The following PANK2 variants were observed in gnomAD, a reference collection of about 807,000 sequenced individuals.
The protein encoded by PANK2 is pantothenate kinase 2, mitochondrial.
PANK2 carries 36 observed loss-of-function variants against 43.1 expected under a neutral mutation model. That is an observed-to-expected ratio of 0.84 (90% CI 0.64 to 1.10). PANK2 has a LOEUF of 1.10. Ranked by LOEUF, PANK2 falls within the 50% of genes least tolerant of loss-of-function variation. The probability of loss-of-function intolerance (pLI) is 0.00; values close to 1 mark genes in which losing one functional copy is unlikely to be tolerated. For missense variants in PANK2, 576 were observed against 593.3 expected (o/e 0.97, Z 0.30); for synonymous variants, 281 against 238.2 (o/e 1.18, Z -1.66).
Position 3,903,138 on chromosome 20 carries a change from CTT to C in PANK2, c.299-4775_299-4774del, listed in dbSNP as rs58375342. Among the ~76,000 whole-genome samples, 93 of 140,728 alleles carry C rather than the reference CTT, an allele frequency of 6.6e-4. No individual in the cohort carries two copies. The South Asian group carries it at 7.7e-3, about 12-fold the overall frequency. 92.3% of individuals were successfully genotyped at this position (140,728 alleles called of 152,430 possible). A position where few individuals can be genotyped will look rare whatever the true frequency, so the allele number is the denominator to read the frequency against. On this transcript the variant is annotated intron_variant, in intron 1 of 6. Transcript: ENST00000610179. ...TCAGATGTAAAAATGATTAGCTTGCCTTTTTTTTTTTTTTCCCCCTTTTTGAG... is the reference window on the plus strand; with the variant it reads ...TCAGATGTAAAAATGATTAGCTTGCCTTTTTTTTTTTTCCCCCTTTTTGAG...
At position 3,923,370 on chromosome 20, in the gene PANK2, C is replaced by G; in HGVS notation, c.*76C>G. On this transcript the variant is annotated 3_prime_UTR_variant, in exon 7 of 7. Transcript: ENST00000610179. ...CTTTCATTTTTTTAAGAGACTTACT[C>G]AATTTCATGACTGTACTACCTGAAA... is the stretch of plus-strand genomic sequence containing the variant. The G allele has an allele frequency of 6.9e-7, 1 of 1,442,650 alleles. No individual in the cohort carries two copies. Among genetic ancestry groups the G allele is most frequent in the Non-Finnish European group, 9.8e-7 (1 of 1,024,076 alleles). 89.4% of individuals were successfully genotyped at this position (1,442,650 alleles called of 1,614,324 possible). A position where few individuals can be genotyped will look rare whatever the true frequency, so the allele number is the denominator to read the frequency against.
rs1250467049 is a variant in PANK2 at position 3,928,948 on chromosome 20, A to AATC, written c.*5656_*5658dup. ...ACTGCAACTTCTGTCTCCCGGGTTC[A>AATC]ATCAATTCTCCTGTCCCAGCCTCCT... On this transcript the variant is annotated 3_prime_UTR_variant, in exon 7 of 7. Coordinates refer to ENST00000610179, the MANE Select transcript of PANK2 (RefSeq NM_001386393.1). 6.6e-6 allele frequency: 1 copy of AATC among 151,646 alleles called. No homozygotes were observed. The highest frequency in any genetic ancestry group is 1.5e-5 in the Non-Finnish European group (1 of 67,902). The allele number at this position is 151,646 out of a possible 1,614,324, so 9.4% of individuals were successfully genotyped here. A position where few individuals can be genotyped will look rare whatever the true frequency, so the allele number is the denominator to read the frequency against.
In PANK2 at chr20:3,892,680, A is replaced by AAAG. The variant is rs2090144065; in HGVS notation, c.298+2954_298+2955insGAA. On this transcript the variant is annotated intron_variant, in intron 1 of 6. Transcript: ENST00000610179. ...GACAGAGCGACTCTGTCTCAAAAAA[A>AAAG]AAAAAAAAAAAGCCTTACTCTGATA... Among the ~76,000 whole-genome samples the AAAG allele has an allele frequency of 5.9e-5, 9 of 151,674 alleles. No homozygotes were observed. The South Asian group carries it at 1.9e-3, about 32-fold the overall frequency.
chr20:3,899,996 G>T (rs566801256), intron 1 of PANK2, among the ~76,000 whole-genome samples: 5 of 152,000 alleles, frequency 3.3e-5, no homozygotes, highest in African/African-American at 1.2e-4. Flanking sequence ...GAGCCACTGT[G>T]CCTGGCCCAT....
chr20:3,914,015 T>C (rs913576171), intron 4 of PANK2, among the ~76,000 whole-genome samples: 1 of 151,438 alleles, frequency 6.6e-6, no homozygotes, highest in African/African-American at 2.4e-5. Context: ...GGTCTCGATC[T>C]GCTGACCTCA....
rs114178135 is a variant in PANK2, at chr20:3,927,855, G to C, written c.*4561G>C. 2 of 152,370 alleles carry C rather than the reference G, an allele frequency of 1.3e-5. No homozygotes were observed. The highest frequency in any genetic ancestry group is 3.9e-4 in the East Asian group (2 of 5,184). The allele number at this position is 152,370 out of a possible 1,614,324, so 9.4% of individuals were successfully genotyped here. A position where few individuals can be genotyped will look rare whatever the true frequency, so the allele number is the denominator to read the frequency against. On this transcript the variant is annotated 3_prime_UTR_variant, in exon 7 of 7. Transcript: ENST00000610179. ...CAAACAAGTCTGCTGACACTGGTGG[G>C]GCCCTTACAGTCACAGAAGTAAGGA...
At position 3,889,541 on chromosome 20, in the gene PANK2, TG is replaced by T; in HGVS notation, c.115del (p.Glu39SerfsTer56). 1 of 1,422,178 alleles carries T rather than the reference TG, an allele frequency of 7.0e-7. No individual in the cohort carries two copies. Among genetic ancestry groups the T allele is most frequent in the South Asian group, 1.5e-5 (1 of 66,580 alleles). 88.1% of individuals were successfully genotyped at this position (1,422,178 alleles called of 1,614,324 possible). Reference sequence around the variant, plus strand: ...CTTCCGCCACCTCCGTCTCGTCGGCTGGGGAGCAGGCGGCCGGGGACCCCGA... The same window carrying T: ...CTTCCGCCACCTCCGTCTCGTCGGCTGGGAGCAGGCGGCCGGGGACCCCGA... On this transcript the variant is annotated frameshift_variant, in exon 1 of 7. Coordinates refer to ENST00000610179, the MANE Select transcript of PANK2 (RefSeq NM_001386393.1). LOFTEE classifies it high-confidence loss of function.
chr20:3,929,710 T>C lies in PANK2; in HGVS notation c.*6416T>C. ...CTGGGAGAGGCCTGTGCCACTGCTG[T>C]CAGCTACAGAGCCTGATCTTGAGCA... On this transcript the variant is annotated 3_prime_UTR_variant, in exon 7 of 7. Transcript: ENST00000610179. The C allele has an allele frequency of 6.6e-6, 1 of 152,242 alleles. No individual in the cohort carries two copies. The highest frequency in any genetic ancestry group is 1.9e-4 in the East Asian group (1 of 5,196). 9.4% of individuals were successfully genotyped at this position (152,242 alleles called of 1,614,324 possible).
At position 3,922,588 on chromosome 20, in the gene PANK2, C is replaced by T. The variant is rs566319768; in HGVS notation, c.1333-656C>T. Among the ~76,000 whole-genome samples, 11 of 152,274 alleles carry T rather than the reference C, an allele frequency of 7.2e-5. No homozygotes were observed. In the East Asian group the frequency reaches 7.7e-4, roughly 11 times the overall value. ...GTGATCCAGGTGTCTGGTGACCACC[C>T]GGGCACAGCTGCTTGGCTGCTGTGG... On this transcript the variant is annotated intron_variant, in intron 6 of 6. Coordinates refer to ENST00000610179, the MANE Select transcript of PANK2 (RefSeq NM_001386393.1).
intron 1 of PANK2, among the ~76,000 whole-genome samples, chr20:3,905,350 CT>C (rs34914526): frequency 0.034 from 4,610 of 134,300 alleles, 84 homozygotes; most frequent in East Asian, 0.2. Context: ...GCTGCTATCT[CT>C]TTTTTTTTTT....
chr20:3,897,180 A>G (rs1168077326), intron 1 of PANK2, among the ~76,000 whole-genome samples: 1 of 151,888 alleles, frequency 6.6e-6, no homozygotes, highest in South Asian at 2.1e-4. Flanking sequence ...CAGAGGAAAA[A>G]CTTTGTTTTT....
At chr20:3,890,275 C>T (rs1600481045) in intron 1 of PANK2, among the ~76,000 whole-genome samples, 1 of 152,188 alleles carries the variant, frequency 6.6e-6, no homozygotes, top group South Asian at 2.1e-4. Flanking sequence ...GAATCCAGGT[C>T]ATCTCTCACC....
intron 1 of PANK2, among the ~76,000 whole-genome samples, chr20:3,894,184 G>A (rs2090167983): frequency 6.6e-6 from 1 of 151,898 alleles, no homozygotes; most frequent in South Asian, 2.1e-4. Flanking sequence ...ATTTGCCTCA[G>A]CCTCCCAAAG....
Position 3,907,946 on chromosome 20 carries a change from G to A in PANK2, c.319G>A (p.Asp107Asn). The change falls in exon 2 of 7, where the codon GAT (aspartate) becomes AAT (asparagine). Residue 107 changes from aspartate (D) to asparagine (N), a missense_variant. Physicochemically the swap from Asp to Asn is conservative, Grantham distance 23. Coordinates refer to ENST00000610179, the MANE Select transcript of PANK2 (RefSeq NM_001386393.1). ...TTTAGTTTTTCCATGGTTTGGACTG[G>A]ATATCGGTGGAACTCTGGTCAAGCT... 1 of 1,614,136 alleles carries A rather than the reference G, an allele frequency of 6.2e-7. No individual in the cohort carries two copies. The highest frequency in any genetic ancestry group is 1.1e-5 in the South Asian group (1 of 91,074).
rs1310659291 is a variant in PANK2, at chr20:3,889,614, G to C, written c.184G>C (p.Val62Leu). Residue 62 changes from valine (V) to leucine (L), a missense_variant, in exon 1 of 7, where the codon GTG becomes CTG. Val to Leu is a conservative substitution (Grantham distance 32). Coordinates refer to ENST00000610179, the MANE Select transcript of PANK2 (RefSeq NM_001386393.1). ...GCGGCGCCGGGCGAGCAGCGCGTCG[G>C]TGCCCGCGGTCGGGGCCTCGGCTGA... 6.5e-7 allele frequency: 1 copy of C among 1,537,844 alleles called. No individual in the cohort carries two copies.
At chr20:3,905,861 GCCC>G (rs2090378744) in intron 1 of PANK2, among the ~76,000 whole-genome samples, 1 of 150,906 alleles carries the variant, frequency 6.6e-6, no homozygotes, top group South Asian at 2.1e-4. Context: ...GATTACAGGT[GCCC>G]GCCACCACGC....
At chr20:3,895,053 A>G (rs1344566188) in intron 1 of PANK2, among the ~76,000 whole-genome samples, 1 of 152,074 alleles carries the variant, frequency 6.6e-6, no homozygotes, top group Non-Finnish European at 1.5e-5. Flanking sequence ...CTGAGGTGGG[A>G]AGATCACTTG....
At chr20:3,905,561 A>G (rs2090372145) in intron 1 of PANK2, among the ~76,000 whole-genome samples, 1 of 148,296 alleles carries the variant, frequency 6.7e-6, no homozygotes, top group Admixed American at 6.7e-5. Context: ...GTTAGCCAGG[A>G]TGGTCTCGAT....
At chr20:3,901,672 ATTTCTTAAAGCTCTTGGATTAAAAAAAAG>A (rs1442320087) in intron 1 of PANK2, 1 of 822,868 alleles carries the variant, frequency 1.2e-6, no homozygotes, top group Non-Finnish European at 1.5e-6. Flanking sequence ...ACTTTTGTTT[ATTTCTTAAAGCTCTTGGATTAAAAAAAAG>A]TTTCTTAAAG....
Sources: allele counts gnomAD v4.1 joint callset (sites outside exome capture counted in the v4.1 genomes callset), GRCh38; gene constraint gnomAD v4.1.1; transcripts MANE v1.5; gene names NCBI Gene and HGNC (gene_info 2026-07-23, HGNC 2026-07-21).